Variants in STOML3 observed in about 807,000 individuals in gnomAD.
STOML3 encodes the protein stomatin like 3, also known as stomatin-like protein 3.
STOML3 carries 31 observed loss-of-function variants against 29.5 expected under a neutral mutation model. That is an observed-to-expected ratio of 1.05 (90% CI 0.79 to 1.42). The LOEUF (loss-of-function observed/expected upper bound fraction) is 1.42, where lower values mean the gene tolerates loss of function less well. Ranked by LOEUF, STOML3 falls within the 40% of genes most tolerant of loss-of-function variation. The pLI, the probability that STOML3 is intolerant of heterozygous loss-of-function variation, is 0.00. For synonymous variants in STOML3, 122 were observed against 139.8 expected (o/e 0.87, Z 0.90); for missense variants, 380 against 363.0 (o/e 1.05, Z -0.38).
chr13:38,988,364 A>G (rs1329868612), intron 1 of STOML3, among the ~76,000 whole-genome samples: 1 of 93,180 alleles, frequency 1.1e-5, no homozygotes, highest in Non-Finnish European at 1.7e-5. Flanking sequence ...CATATATTTT[A>G]TATAATATAT....
At chr13:38,984,824 T>A (rs763003510) in intron 1 of STOML3, among the ~76,000 whole-genome samples, 1 of 152,186 alleles carries the variant, frequency 6.6e-6, no homozygotes, top group Admixed American at 6.5e-5. Context: ...AACTTTTGTG[T>A]CTTCCCTGTA....
At chr13:38,975,712 A>C (rs1881049331) in intron 3 of STOML3, among the ~76,000 whole-genome samples, 1 of 152,150 alleles carries the variant, frequency 6.6e-6, no homozygotes, top group Non-Finnish European at 1.5e-5. Flanking sequence ...GTTCAACTAG[A>C]TATATGCTCA....
Position 38,970,254 on chromosome 13 carries a change from TC to T in STOML3, c.446del (p.Arg149LysfsTer4), listed in dbSNP as rs1880812780. ...ATFLLAQTTL[R>X]NVLGTQTLSQ... The stretch of plus-strand genomic sequence containing the variant: ...ACAAGGTCTGTGTCCCTAAGACATT[TC>T]TCAGAGTGGTTTGAGCCAGCAGAAA... On this transcript the variant is annotated frameshift_variant, in exon 5 of 7. Coordinates refer to ENST00000379631, the MANE Select transcript of STOML3 (RefSeq NM_145286.3). LOFTEE classifies it high-confidence loss of function. 5 of 1,614,074 alleles carry T rather than the reference TC, an allele frequency of 3.1e-6. No homozygotes were observed. In the South Asian group the frequency reaches 5.5e-5, roughly 18 times the overall value.
chr13:38,979,743 G>A (rs1413428682), intron 1 of STOML3, among the ~76,000 whole-genome samples: 1 of 152,144 alleles, frequency 6.6e-6, no homozygotes, highest in Non-Finnish European at 1.5e-5. Context: ...TAATAACTGT[G>A]CTTATATATG....
At chr13:38,973,043 G>A (rs1318468743) in intron 3 of STOML3, among the ~76,000 whole-genome samples, 6 of 135,982 alleles carry the variant, frequency 4.4e-5, no homozygotes, top group Non-Finnish European at 7.6e-5. Context: ...CAGATCACCT[G>A]AGGTCAGGAG....
chr13:38,972,821 T>C (rs1880927684), intron 3 of STOML3, among the ~76,000 whole-genome samples: 1 of 152,180 alleles, frequency 6.6e-6, no homozygotes, highest in African/African-American at 2.4e-5. Context: ...TAAAGATCCC[T>C]GACATTTAAT....
At chr13:38,980,471 A>G (rs1209944643) in intron 1 of STOML3, among the ~76,000 whole-genome samples, 1 of 152,208 alleles carries the variant, frequency 6.6e-6, no homozygotes, top group Non-Finnish European at 1.5e-5. Flanking sequence ...CTGGGATTGT[A>G]TTATTAAATA....
In STOML3 at chr13:38,984,384, C is replaced by T. The variant is rs887461164; in HGVS notation, c.52+6286G>A. ...CCTTCTTTTCCAGGAAGATTTTTCT[C>T]TGTCACCCTCACCTTTGGGTGCTCC... On this transcript the variant is annotated intron_variant, in intron 1 of 6. Transcript: ENST00000379631. Among the ~76,000 whole-genome samples, 4 of 152,196 alleles carry T rather than the reference C, an allele frequency of 2.6e-5. No homozygotes were observed. In the East Asian group the frequency reaches 5.8e-4, roughly 22 times the overall value.
Position 38,976,535 on chromosome 13 carries a change from C to A in STOML3, c.229+5G>T, listed in dbSNP as rs759940946. ...TTTCAGGGGCAGCCACCGCGTCATT[C>A]ATACCTGGCCCCTTGGCTTTGTCAG... On this transcript the variant is annotated splice_donor_5th_base_variant and intron_variant, in intron 3 of 6. Coordinates refer to ENST00000379631, the MANE Select transcript of STOML3 (RefSeq NM_145286.3). 3 of 1,614,150 alleles carry A rather than the reference C, an allele frequency of 1.9e-6. No individual in the cohort carries two copies. Among genetic ancestry groups the A allele is most frequent in the Non-Finnish European group, 2.5e-6 (3 of 1,180,032 alleles).
intron 1 of STOML3, among the ~76,000 whole-genome samples, chr13:38,977,678 A>G (rs905677128): frequency 1.3e-5 from 2 of 151,756 alleles, no homozygotes; most frequent in Non-Finnish European, 2.9e-5. Context: ...AGACTGAGTT[A>G]AAATCCTACT....
At chr13:38,987,026 AG>A (rs1387475510) in intron 1 of STOML3, among the ~76,000 whole-genome samples, 1 of 152,168 alleles carries the variant, frequency 6.6e-6, no homozygotes, top group African/African-American at 2.4e-5. Flanking sequence ...AAAGAATAAA[AG>A]GGGGGCAGAA....
At chr13:38,968,375 C>T (rs764374421) in intron 6 of STOML3, 25 bp downstream of exon 6, 1 of 1,612,448 alleles carries the variant, frequency 6.2e-7, no homozygotes, top group Non-Finnish European at 8.5e-7. Flanking sequence ...GTTCTCCCTC[C>T]ATGTGTGAAC....
At position 38,969,430 on chromosome 13, in the gene STOML3, T is replaced by C. The variant is rs1434844672; in HGVS notation, c.516+755A>G. On this transcript the variant is annotated intron_variant, in intron 5 of 6. Coordinates refer to ENST00000379631, the MANE Select transcript of STOML3 (RefSeq NM_145286.3). ...TGGCTGTGGATGGGATACCTTTGAG[T>C]TGTTAAATTCGTGGGGCACATATAA... is the stretch of plus-strand genomic sequence containing the variant. Among the ~76,000 whole-genome samples the C allele has an allele frequency of 2.0e-5, 3 of 152,058 alleles. No homozygotes were observed. In the East Asian group the frequency reaches 5.8e-4, roughly 29 times the overall value.
Position 38,970,349 on chromosome 13 carries a change from C to T in STOML3, c.352G>A (p.Val118Ile). 1 of 1,614,146 alleles carries T rather than the reference C, an allele frequency of 6.2e-7. No homozygotes were observed. Among genetic ancestry groups the T allele is most frequent in the South Asian group, 1.1e-5 (1 of 91,086 alleles). ...RDSVTTQVDGVVYYRIYSAVS... is the reference protein window; with the variant it reads ...RDSVTTQVDGIVYYRIYSAVS... ...GCACTATAGATTCTGTAATAGACAACTCCATCTACCTGAGTAGTTACGGAG... is the reference window on the plus strand; with the variant it reads ...GCACTATAGATTCTGTAATAGACAATTCCATCTACCTGAGTAGTTACGGAG... Residue 118 changes from valine (V) to isoleucine (I), a missense_variant, in exon 5 of 7, where the codon GTT becomes ATT. Val to Ile is a conservative substitution (Grantham distance 29). Transcript: ENST00000379631.
At chr13:38,983,770 A>G (rs928376046) in intron 1 of STOML3, among the ~76,000 whole-genome samples, 4 of 152,212 alleles carry the variant, frequency 2.6e-5, no homozygotes, top group Non-Finnish European at 5.9e-5. Flanking sequence ...CAACTCCAGA[A>G]GGATGATTTG....
intron 1 of STOML3, among the ~76,000 whole-genome samples, chr13:38,986,035 GTTTT>G (rs371208112): frequency 5.7e-5 from 4 of 70,688 alleles, no homozygotes; most frequent in Admixed American, 1.8e-4. Flanking sequence ...TATTTACCTG[GTTTT>G]TTTTTTTTTT....
chr13:38,990,590 C>A, intron 1 of STOML3, 80 bp downstream of exon 1: 1 of 1,442,886 alleles, frequency 6.9e-7, no homozygotes, highest in South Asian at 1.2e-5. Flanking sequence ...CATACTTACT[C>A]TATACCTGTC....
At chr13:38,982,221 C>T (rs1054896312) in intron 1 of STOML3, among the ~76,000 whole-genome samples, 1 of 151,552 alleles carries the variant, frequency 6.6e-6, no homozygotes, top group African/African-American at 2.4e-5. Flanking sequence ...CCTAATCTCC[C>T]TTTTCTTAGG....
chr13:38,967,675 A>T (rs1455197607), intron 6 of STOML3, among the ~76,000 whole-genome samples: 2 of 152,158 alleles, frequency 1.3e-5, no homozygotes, highest in Non-Finnish European at 2.9e-5. Flanking sequence ...CTCTTCTATC[A>T]TTGCCGAGTC....
Sources: gnomAD v4.1 joint callset for allele counts (sites outside exome capture counted in the v4.1 genomes callset) on GRCh38, gnomAD v4.1.1 for gene constraint, MANE v1.5 for transcripts, NCBI Gene and HGNC (gene_info 2026-07-23, HGNC 2026-07-21) for gene names.